Variants in RAB5IF observed in about 807,000 individuals in gnomAD.
RAB5IF encodes the protein RAB5 interacting factor.
In RAB5IF, 15 loss-of-function variants were observed where a neutral mutation model predicts 20.3. That is an observed-to-expected ratio of 0.74 (90% CI 0.50 to 1.14). The LOEUF is 1.14. Ranked by LOEUF, RAB5IF falls within the 50% of genes most tolerant of loss-of-function variation. RAB5IF has a pLI of 0.00. For missense variants in RAB5IF, 148 were observed against 159.5 expected (o/e 0.93, Z 0.39); for synonymous variants, 67 against 63.7 (o/e 1.05, Z -0.25).
In RAB5IF at chr20:36,612,059, C is replaced by G. The variant is rs1204102063; in HGVS notation, c.*8C>G. The G allele has an allele frequency of 1.2e-6, 2 of 1,614,172 alleles. No homozygotes were observed. The highest frequency in any genetic ancestry group is 2.2e-5 in the East Asian group (1 of 44,886). ...GCCATCCATTATGACTGATGGTGTA[C>G]AGCTCCCAAGTGCTCCCTATCCAGT... On this transcript the variant is annotated 3_prime_UTR_variant, in exon 4 of 4. Coordinates refer to ENST00000344795, the MANE Select transcript of RAB5IF (RefSeq NM_018840.5).
chr20:36,608,756 G>A (rs1187676907), intron 2 of RAB5IF, among the ~76,000 whole-genome samples: 2 of 151,342 alleles, frequency 1.3e-5, no homozygotes, highest in African/African-American at 4.9e-5. Flanking sequence ...GTAGCGACGG[G>A]GTTTCGCCAT....
At position 36,605,908 on chromosome 20, in the gene RAB5IF, C is replaced by A; in HGVS notation, c.-44C>A. ...CCCTAGACCCCGACTCCCTTTGGCT[C>A]AGCCCGCGCGCCCCAGGCCCGGCCC... On this transcript the variant is annotated 5_prime_UTR_variant, in exon 1 of 4. Coordinates refer to ENST00000344795, the MANE Select transcript of RAB5IF (RefSeq NM_018840.5). The A allele has an allele frequency of 2.3e-6, 3 of 1,277,264 alleles. No individual in the cohort carries two copies. Among genetic ancestry groups the A allele is most frequent in the Non-Finnish European group, 3.1e-6 (3 of 968,886 alleles). 79.1% of individuals were successfully genotyped at this position (1,277,264 alleles called of 1,614,324 possible).
At chr20:36,610,177 C>T (rs545777064) in intron 3 of RAB5IF, among the ~76,000 whole-genome samples, 11 of 151,524 alleles carry the variant, frequency 7.3e-5, no homozygotes, top group South Asian at 4.2e-4. Flanking sequence ...CCAGCTACTC[C>T]GGAGGCCGAG....
At chr20:36,608,582 AAGAC>A (rs929368532) in intron 2 of RAB5IF, among the ~76,000 whole-genome samples, 37 of 140,036 alleles carry the variant, frequency 2.6e-4, no homozygotes, top group Admixed American at 3.6e-4. Flanking sequence ...TTTTTTTTTA[AAGAC>A]AGAGTCTTTC....
intron 3 of RAB5IF, among the ~76,000 whole-genome samples, chr20:36,610,946 AGTG>A (rs1372862762): frequency 6.6e-6 from 1 of 152,176 alleles, no homozygotes; most frequent in Non-Finnish European, 1.5e-5. Context: ...TTTTGGAATC[AGTG>A]GTGATGTTTG....
intron 2 of RAB5IF, among the ~76,000 whole-genome samples, 187 bp from the exon 3 acceptor site, chr20:36,609,414 A>G (rs2039055024): frequency 1.3e-5 from 2 of 151,336 alleles, no homozygotes; most frequent in South Asian, 2.1e-4. Flanking sequence ...TAGTTTTTGT[A>G]TTTTTAGTGG....
Position 36,607,830 on chromosome 20 carries a change from G to T in RAB5IF, c.218+12G>T, listed in dbSNP as rs774557567. ...TTGGGAATAGCAGGGTAAGTCTTGGGTATCTTATATTTTCATGGTATCATT... is the reference window on the plus strand; with the variant it reads ...TTGGGAATAGCAGGGTAAGTCTTGGTTATCTTATATTTTCATGGTATCATT... On this transcript the variant is annotated intron_variant, in intron 2 of 3. Coordinates refer to ENST00000344795, the MANE Select transcript of RAB5IF (RefSeq NM_018840.5). The T allele has an allele frequency of 2.5e-6, 4 of 1,613,302 alleles. No homozygotes were observed. The highest frequency in any genetic ancestry group is 2.2e-5 in the East Asian group (1 of 44,840).
At chr20:36,609,946 A>G (rs548313506) in intron 3 of RAB5IF, among the ~76,000 whole-genome samples, 2 of 152,318 alleles carry the variant, frequency 1.3e-5, no homozygotes, top group African/African-American at 4.8e-5. Flanking sequence ...TCCAGGGCCC[A>G]TCGTCAGCTT....
At chr20:36,609,222 C>CAT (rs2039035816) in intron 2 of RAB5IF, among the ~76,000 whole-genome samples, 1 of 117,592 alleles carries the variant, frequency 8.5e-6, no homozygotes, top group Non-Finnish European at 1.7e-5. Context: ...CACACACGCA[C>CAT]ACACACACAC....
chr20:36,606,479 A>G (rs1290854005), intron 1 of RAB5IF, among the ~76,000 whole-genome samples: 4 of 152,256 alleles, frequency 2.6e-5, no homozygotes, highest in Non-Finnish European at 5.9e-5. Context: ...AATGCTTTCT[A>G]CGTGCCAGGT....
chr20:36,608,227 T>C (rs1239007251), intron 2 of RAB5IF: 8 of 277,708 alleles, frequency 2.9e-5, no homozygotes, highest in African/African-American at 8.8e-5. Context: ...TTGGCTTTGG[T>C]AGAAGTTATT....
Position 36,612,018 on chromosome 20 carries a change from GATC to G in RAB5IF, c.361_363del (p.Ile121del). The G allele has an allele frequency of 1.2e-6, 2 of 1,614,142 alleles. No individual in the cohort carries two copies. The highest frequency in any genetic ancestry group is 1.7e-6 in the Non-Finnish European group (2 of 1,180,026). Reference sequence around the variant, plus strand: ...GCTTGTCTCCTCACTAGGTCATTTGGATCATCTTTTACACTGCCATCCATTATG... The same window carrying G: ...GCTTGTCTCCTCACTAGGTCATTTGGATCTTTTACACTGCCATCCATTATG... On this transcript the variant is annotated inframe_deletion, in exon 4 of 4. Transcript: ENST00000344795.
chr20:36,612,244 C>A lies in RAB5IF; in HGVS notation c.*193C>A. 1 of 1,606,654 alleles carries A rather than the reference C, an allele frequency of 6.2e-7. No individual in the cohort carries two copies. The highest frequency in any genetic ancestry group is 2.2e-5 in the East Asian group (1 of 44,814). ...CCTGAAACTTTTTAAAAACCACCCA[C>A]CTTTGGGGAAGCATTTCTGAATTTA... On this transcript the variant is annotated 3_prime_UTR_variant, in exon 4 of 4. Transcript: ENST00000344795.
intron 1 of RAB5IF, among the ~76,000 whole-genome samples, chr20:36,607,079 A>AT (rs2038951572): frequency 6.6e-6 from 1 of 152,120 alleles, no homozygotes; most frequent in Admixed American, 6.6e-5. Context: ...GTGTTCTTCC[A>AT]TTAAACTTAA....
At chr20:36,609,367 G>C (rs2039053401) in intron 2 of RAB5IF, among the ~76,000 whole-genome samples, 1 of 151,622 alleles carries the variant, frequency 6.6e-6, no homozygotes, top group African/African-American at 2.4e-5. Context: ...CACCTCCTGA[G>C]CAGCTGGGAT....
chr20:36,609,230 C>CACACACACACACAA (rs2039037679), intron 2 of RAB5IF, among the ~76,000 whole-genome samples: 1 of 126,836 alleles, frequency 7.9e-6, no homozygotes, highest in Non-Finnish European at 1.6e-5. Flanking sequence ...CACACACACA[C>CACACACACACACAA]ACACACACAC....
intron 2 of RAB5IF, among the ~76,000 whole-genome samples, chr20:36,609,160 C>CATAT (rs1568595285): frequency 1.8e-5 from 1 of 55,140 alleles, no homozygotes; most frequent in African/African-American, 5.8e-5. Flanking sequence ...CTATATTACA[C>CATAT]ACACACACAC....
rs781576342 is a variant in RAB5IF, at chr20:36,606,053, C to G, written c.102C>G (p.Ala34=). 10 of 1,510,564 alleles carry G rather than the reference C, an allele frequency of 6.6e-6. No homozygotes were observed. Among genetic ancestry groups the G allele is most frequent in the East Asian group, 5.3e-5 (2 of 37,432 alleles). 93.6% of individuals were successfully genotyped at this position (1,510,564 alleles called of 1,614,324 possible). ...GTAAGGTGCTGCGGAGCGACGCGGC[C>G]TGGGAGGATAAGGTACGGTGGAGTC... ...VWSKVLRSDA[A]WEDKDEFLDV... Residue 34 remains alanine (A), a synonymous_variant, in exon 1 of 4, where the codon GCC becomes GCG. Coordinates refer to ENST00000344795, the MANE Select transcript of RAB5IF (RefSeq NM_018840.5).
chr20:36,611,124 G>C (rs536172379), intron 3 of RAB5IF, among the ~76,000 whole-genome samples: 1 of 152,204 alleles, frequency 6.6e-6, no homozygotes, highest in South Asian at 2.1e-4. Flanking sequence ...CGAGTAGTTG[G>C]GACTACAGGT....
Sources: gnomAD v4.1 joint callset for allele counts (sites outside exome capture counted in the v4.1 genomes callset) on GRCh38, gnomAD v4.1.1 for gene constraint, MANE v1.5 for transcripts, NCBI Gene and HGNC (gene_info 2026-07-23, HGNC 2026-07-21) for gene names.